The following CCNJL variants were observed in gnomAD, a reference collection of about 807,000 sequenced individuals.
CCNJL encodes cyclin-J-like protein.
A neutral mutation model predicts 33.4 loss-of-function variants in CCNJL; 33 were observed. The ratio of observed to expected loss-of-function variants is 0.99; its 90% CI spans 0.75 to 1.32. The LOEUF is 1.32. CCNJL is among the 40% of genes most tolerant of loss of function. CCNJL has a pLI of 0.00. For missense variants in CCNJL, 512 were observed against 499.7 expected, an observed-to-expected ratio of 1.02 and a Z score of -0.23; for synonymous variants, 227 against 220.9, an observed-to-expected ratio of 1.03 and a Z score of -0.24.
At position 160,250,564 on chromosome 5, in the gene CCNJL, T is replaced by C. The variant is rs571779593; in HGVS notation, c.*2814A>G. 2 of 152,174 alleles carry C rather than the reference T, an allele frequency of 1.3e-5. No homozygotes were observed. Among genetic ancestry groups the C allele is most frequent in the Admixed American group, 1.3e-4 (2 of 15,276 alleles). The allele number at this position is 152,174 out of a possible 1,614,324, so 9.4% of individuals were successfully genotyped here. A position where few individuals can be genotyped will look rare whatever the true frequency, so the allele number is the denominator to read the frequency against. ...CTGGGGTGGTTCTCCTGCTGGAAGC[T>C]GGGTAGGTAGAGGGCAAGACAGAAG... On this transcript the variant is annotated 3_prime_UTR_variant, in exon 6 of 6. Coordinates refer to ENST00000257536, the MANE Select transcript of CCNJL (RefSeq NM_001308173.3).
intron 2 of CCNJL, among the ~76,000 whole-genome samples, chr5:160,301,378 G>C (rs1762913525): frequency 6.6e-6 from 1 of 151,940 alleles, no homozygotes; most frequent in Non-Finnish European, 1.5e-5. Flanking sequence ...GATTGCCTAA[G>C]GCTGGGGGCA....
chr5:160,304,822 CT>C (rs10658968), intron 2 of CCNJL, among the ~76,000 whole-genome samples: 31 of 146,076 alleles, frequency 2.1e-4, no homozygotes, highest in East Asian at 4.0e-4. Context: ...TACTTTCTTT[CT>C]TTTTTTTTTT....
intron 2 of CCNJL, among the ~76,000 whole-genome samples, chr5:160,297,059 C>G (rs1389342423): frequency 1.3e-5 from 2 of 152,150 alleles, no homozygotes; most frequent in Admixed American, 1.3e-4. Flanking sequence ...ATCTCAAGCT[C>G]TCAGCACATG....
chr5:160,282,967 A>ATATATATATATATATATG (rs1491208596), intron 2 of CCNJL, among the ~76,000 whole-genome samples: 3 of 12,184 alleles, frequency 2.5e-4, no homozygotes, highest in Non-Finnish European at 1.3e-4. Context: ...AGTCCTTGGA[A>ATATATATATATATATATG]TATATATATA....
At position 160,321,091 on chromosome 5, in the gene CCNJL, CT is replaced by C. The variant is rs1763457153; in HGVS notation, n.207-5587del. 2.2e-5 allele frequency among the ~76,000 whole-genome samples: 2 copies of C among 89,438 alleles called. 1 individual carries two copies. Among genetic ancestry groups the C allele is most frequent in the Admixed American group, 3.1e-4 (2 of 6,522 alleles). The allele number at this position is 89,438 out of a possible 152,430, so 58.7% of individuals were successfully genotyped here. On this transcript the variant is annotated intron_variant and non_coding_transcript_variant, in intron 1 of 7. Coordinates refer to the CCNJL transcript ENST00000377503. ...CTTTCTTTCTTTCTTTCTTTCTTTC[CT>C]TCTCTCTTTCTCTCTCTCTCTTTTT...
At chr5:160,306,715 G>C (rs1010185003) in intron 2 of CCNJL, among the ~76,000 whole-genome samples, 1 of 152,152 alleles carries the variant, frequency 6.6e-6, no homozygotes, top group African/African-American at 2.4e-5. Flanking sequence ...GTGTAAAATG[G>C]GCATAAATCA....
upstream of CCNJL, among the ~76,000 whole-genome samples, chr5:160,314,640 G>A (rs1763357420): frequency 6.6e-6 from 1 of 152,194 alleles, no homozygotes; most frequent in African/African-American, 2.4e-5. Context: ...TGCCAAAAAG[G>A]CAAACGACAA....
chr5:160,260,979 T>G (rs563864109), intron 3 of CCNJL: 47 of 152,406 alleles, frequency 3.1e-4, no homozygotes, highest in Admixed American at 2.0e-3. Flanking sequence ...GGTGTGGAGC[T>G]GCCACTAAGT....
intron 4 of CCNJL, among the ~76,000 whole-genome samples, chr5:160,256,962 T>A (rs1761092418): frequency 6.6e-6 from 1 of 151,992 alleles, no homozygotes; most frequent in East Asian, 1.9e-4. Context: ...TACTTCCACT[T>A]TTGCCTTTTA....
In CCNJL at chr5:160,251,110, A is replaced by C. The variant is rs890351679; in HGVS notation, c.*2268T>G. On this transcript the variant is annotated 3_prime_UTR_variant, in exon 6 of 6. Coordinates refer to ENST00000257536, the MANE Select transcript of CCNJL (RefSeq NM_001308173.3). ...ATTTTTAGATGTGATTAACATTTAC[A>C]ATCAGTTGACTTTAAGAAAAGCCTC... 6.6e-6 allele frequency: 1 copy of C among 152,220 alleles called. No individual in the cohort carries two copies. The highest frequency in any genetic ancestry group is 1.5e-5 in the Non-Finnish European group (1 of 68,038). 9.4% of individuals were successfully genotyped at this position (152,220 alleles called of 1,614,324 possible). A position where few individuals can be genotyped will look rare whatever the true frequency, so the allele number is the denominator to read the frequency against.
At chr5:160,338,093 C>A (rs532582673) in intron 1 of CCNJL, among the ~76,000 whole-genome samples, 68 of 152,264 alleles carry the variant, frequency 4.5e-4, no homozygotes, top group Middle Eastern at 3.4e-3. Flanking sequence ...TGATTGGAAA[C>A]CTATGTGGGA....
chr5:160,262,555 T>C (rs1213421191), intron 3 of CCNJL, among the ~76,000 whole-genome samples: 1 of 152,210 alleles, frequency 6.6e-6, no homozygotes, highest in Non-Finnish European at 1.5e-5. Context: ...AAAATGGTGC[T>C]GCAGAATGGA....
In CCNJL at chr5:160,253,281, ATG is replaced by A. The variant is rs1433759110; in HGVS notation, c.*95_*96del. ...CTCCACGTTCCAAGGCTCTTCAGGG[ATG>A]GCCTCCTGCTGCCTCACTTGGCTGA... On this transcript the variant is annotated 3_prime_UTR_variant, in exon 6 of 6. Coordinates refer to ENST00000257536, the MANE Select transcript of CCNJL (RefSeq NM_001308173.3). 8.1e-7 allele frequency: 1 copy of A among 1,235,686 alleles called. No homozygotes were observed. Among genetic ancestry groups the A allele is most frequent in the African/African-American group, 1.5e-5 (1 of 66,322 alleles). The allele number at this position is 1,235,686 out of a possible 1,614,324, so 76.5% of individuals were successfully genotyped here. A position where few individuals can be genotyped will look rare whatever the true frequency, so the allele number is the denominator to read the frequency against.
chr5:160,273,856 C>T (rs1296814608), intron 3 of CCNJL, among the ~76,000 whole-genome samples: 1 of 151,738 alleles, frequency 6.6e-6, no homozygotes, highest in Non-Finnish European at 1.5e-5. Flanking sequence ...CCCATGTTGG[C>T]CAGGCTGGTC....
At chr5:160,309,719 G>C (rs960618806) in intron 2 of CCNJL, among the ~76,000 whole-genome samples, 1 of 152,146 alleles carries the variant, frequency 6.6e-6, no homozygotes, top group Non-Finnish European at 1.5e-5. Context: ...AAGTGGGAGA[G>C]GAAATAAAGT....
At chr5:160,310,323 C>T (rs1013144893) in intron 2 of CCNJL, among the ~76,000 whole-genome samples, 1 of 152,206 alleles carries the variant, frequency 6.6e-6, no homozygotes, top group Admixed American at 6.5e-5. Flanking sequence ...CACACGTTGG[C>T]CACTCTGTTC....
rs878998602 is a variant in CCNJL at position 160,258,461 on chromosome 5, C to T, written c.583+1008G>A. ...CACATGAAGAGGGCACTGGACCTGTCCATGAAGCATCAGATCTTGCCTAAA... is the reference window on the plus strand; with the variant it reads ...CACATGAAGAGGGCACTGGACCTGTTCATGAAGCATCAGATCTTGCCTAAA... On this transcript the variant is annotated intron_variant, in intron 4 of 5. Transcript: ENST00000257536. The T allele has an allele frequency of 1.8e-5, 21 of 1,146,428 alleles. No individual in the cohort carries two copies. The South Asian group carries it at 2.4e-4, about 13-fold the overall frequency. The allele number at this position is 1,146,428 out of a possible 1,614,324, so 71.0% of individuals were successfully genotyped here. A position where few individuals can be genotyped will look rare whatever the true frequency, so the allele number is the denominator to read the frequency against.
chr5:160,261,492 C>A (rs369523590), intron 3 of CCNJL, among the ~76,000 whole-genome samples: 110 of 152,338 alleles, frequency 7.2e-4, no homozygotes, highest in African/African-American at 2.6e-3. Context: ...TCTTGTCTTG[C>A]ACACAAGAAC....
upstream of CCNJL, among the ~76,000 whole-genome samples, chr5:160,314,100 C>T (rs1473800596): frequency 1.3e-5 from 2 of 152,080 alleles, no homozygotes; most frequent in African/African-American, 2.4e-5. Flanking sequence ...ATCTGGGAGG[C>T]GGAGGTTGCA....
Sources: allele counts gnomAD v4.1 joint callset (sites outside exome capture counted in the v4.1 genomes callset), GRCh38; gene constraint gnomAD v4.1.1; transcripts MANE v1.5; gene names NCBI Gene and HGNC (gene_info 2026-07-23, HGNC 2026-07-21).